Variants in RPA3 observed in about 807,000 individuals in gnomAD.
RPA3 encodes replication protein A3.
A neutral mutation model predicts 13.7 loss-of-function variants in RPA3; 24 were observed. That is an observed-to-expected ratio of 1.75 (90% confidence interval 1.27 to 2.46). The LOEUF (loss-of-function observed/expected upper bound fraction) is 2.46. Ranked by LOEUF, RPA3 falls within the 30% of genes most tolerant of loss-of-function variation. The probability of loss-of-function intolerance (pLI) is 0.00; values close to 1 mark genes in which losing one functional copy is unlikely to be tolerated. For synonymous variants in RPA3, 59 were observed against 51.2 expected (o/e 1.15, Z -0.65); for missense variants, 183 against 151.0 (o/e 1.21, Z -1.11).
At chr7:7,657,123 A>C (rs1344093290) in intron 4 of RPA3, among the ~76,000 whole-genome samples, 1 of 152,164 alleles carries the variant, frequency 6.6e-6, no homozygotes, top group Non-Finnish European at 1.5e-5. Context: ...TCTTTTGAGA[A>C]GTGTCAGTTC....
At chr7:7,684,759 C>A (rs558391148) in intron 4 of RPA3, among the ~76,000 whole-genome samples, 1 of 152,284 alleles carries the variant, frequency 6.6e-6, no homozygotes, top group South Asian at 2.1e-4. Flanking sequence ...AGATTAACAC[C>A]CGTAAACTTT....
At chr7:7,642,612 C>T (rs1784999719) in intron 4 of RPA3, among the ~76,000 whole-genome samples, 1 of 152,046 alleles carries the variant, frequency 6.6e-6, no homozygotes, top group Non-Finnish European at 1.5e-5. Context: ...ACAGCTTTTT[C>T]GTGTATTTTT....
intron 2 of RPA3, among the ~76,000 whole-genome samples, chr7:7,699,130 A>G (rs944229383): frequency 1.3e-5 from 2 of 151,962 alleles, no homozygotes; most frequent in African/African-American, 4.8e-5. Flanking sequence ...CTAGCATTAT[A>G]GGTGTGAGCC....
chr7:7,708,561 A>G (rs1487841210), intron 2 of RPA3, among the ~76,000 whole-genome samples: 1 of 152,206 alleles, frequency 6.6e-6, no homozygotes, highest in Non-Finnish European at 1.5e-5. Flanking sequence ...ATAACTTGAA[A>G]CATTGAAAGG....
chr7:7,640,249 C>G, intron 5 of RPA3, 71 bp downstream of exon 5: 3 of 1,481,850 alleles, frequency 2.0e-6, no homozygotes, highest in Non-Finnish European at 2.8e-6. Flanking sequence ...CCTTTTTCAT[C>G]CCCCGTTATC....
intron 2 of RPA3, among the ~76,000 whole-genome samples, chr7:7,700,989 A>G (rs1397691258): frequency 6.6e-6 from 1 of 152,204 alleles, no homozygotes; most frequent in Non-Finnish European, 1.5e-5. Context: ...GTTTGAGGCT[A>G]CAGTGAGCTA....
At chr7:7,673,519 TTA>T (rs1165176565) in intron 4 of RPA3, 9 of 663,976 alleles carry the variant, frequency 1.4e-5, no homozygotes, top group Non-Finnish European at 2.4e-5. Flanking sequence ...TACTTGAAAA[TTA>T]TATGATTGAT....
At chr7:7,711,788 C>A (rs1047107765) in intron 2 of RPA3, among the ~76,000 whole-genome samples, 4 of 151,984 alleles carry the variant, frequency 2.6e-5, no homozygotes, top group Non-Finnish European at 4.4e-5. Flanking sequence ...AATGAAGAGA[C>A]ATTTTGATGT....
In RPA3 at chr7:7,639,148, A is replaced by G; in HGVS notation, c.100-4T>C. 1 of 1,605,046 alleles carries G rather than the reference A, an allele frequency of 6.2e-7. No individual in the cohort carries two copies. Among genetic ancestry groups the G allele is most frequent in the Non-Finnish European group, 8.5e-7 (1 of 1,175,550 alleles). On this transcript the variant is annotated splice_polypyrimidine_tract_variant and splice_region_variant and intron_variant, in intron 5 of 7. Coordinates refer to ENST00000223129, the MANE Select transcript of RPA3 (RefSeq NM_002947.5). ...ACATTTTTCCGGTGGGATGAATCTA[A>G]AAACGAAACATATAATTAAAATCTC...
rs1780868232 is a variant in RPA3 at position 7,715,190 on chromosome 7, TC to T, written c.-1044del. 6.6e-6 allele frequency: 1 copy of T among 152,214 alleles called. No individual in the cohort carries two copies. The highest frequency in any genetic ancestry group is 2.4e-5 in the African/African-American group (1 of 41,454). 9.4% of individuals were successfully genotyped at this position (152,214 alleles called of 1,614,324 possible). A position where few individuals can be genotyped will look rare whatever the true frequency, so the allele number is the denominator to read the frequency against. ...ATAAACTTACCTGAAACTATTGTATTCCCTGTGCATTGTCTTCACATCCTTT... is the reference window on the plus strand; with the variant it reads ...ATAAACTTACCTGAAACTATTGTATTCCTGTGCATTGTCTTCACATCCTTT... On this transcript the variant is annotated 5_prime_UTR_variant, in exon 2 of 8. An upstream open reading frame in the 5' UTR gains an earlier in-frame stop. Transcript: ENST00000223129.
intron 4 of RPA3, among the ~76,000 whole-genome samples, chr7:7,666,373 T>A (rs1156319077): frequency 6.6e-6 from 1 of 151,984 alleles, no homozygotes; most frequent in Non-Finnish European, 1.5e-5. Flanking sequence ...CTGGCTGATT[T>A]TTGTATTTTT....
chr7:7,646,775 G>A (rs528352795), intron 4 of RPA3, among the ~76,000 whole-genome samples: 1 of 152,016 alleles, frequency 6.6e-6, no homozygotes, highest in South Asian at 2.1e-4. Flanking sequence ...AACTCCCCTC[G>A]ACACTCAGAT....
At chr7:7,701,665 G>A (rs1460842228) in intron 2 of RPA3, among the ~76,000 whole-genome samples, 1 of 152,096 alleles carries the variant, frequency 6.6e-6, no homozygotes, top group African/African-American at 2.4e-5. Context: ...ATATGATTAG[G>A]AGGCTGATTA....
intron 2 of RPA3, among the ~76,000 whole-genome samples, chr7:7,706,017 G>T (rs995382023): frequency 4.0e-4 from 61 of 152,040 alleles, no homozygotes; most frequent in African/African-American, 1.5e-3. Flanking sequence ...AGAAATCTTT[G>T]TTGCTATTTT....
At position 7,648,279 on chromosome 7, in the gene RPA3, TGCTTAAGTTTTCTCC is replaced by T. The variant is rs537597584; in HGVS notation, c.-757-7119_-757-7105del. Reference sequence around the variant, plus strand: ...GATCATGAGTGATTTGCTGTTTCTCTGCTTAAGTTTTCTCCGCTTAAGTTTTCTCCAGTAAACCAT... The same window carrying T: ...GATCATGAGTGATTTGCTGTTTCTCTGCTTAAGTTTTCTCCAGTAAACCAT... On this transcript the variant is annotated intron_variant, in intron 4 of 7. Coordinates refer to ENST00000223129, the MANE Select transcript of RPA3 (RefSeq NM_002947.5). 1.6e-3 allele frequency among the ~76,000 whole-genome samples: 245 copies of T among 152,384 alleles called. 2 individuals carry two copies. Among genetic ancestry groups the T allele is most frequent in the African/African-American group, 5.4e-3 (226 of 41,596 alleles).
chr7:7,668,953 C>G (rs971716483), intron 4 of RPA3, among the ~76,000 whole-genome samples: 9 of 152,086 alleles, frequency 5.9e-5, no homozygotes, highest in African/African-American at 2.2e-4. Flanking sequence ...TGTAGACATG[C>G]CAGTCCACCT....
chr7:7,703,922 AC>A (rs1450913533), intron 2 of RPA3, among the ~76,000 whole-genome samples: 1 of 152,070 alleles, frequency 6.6e-6, no homozygotes, highest in Non-Finnish European at 1.5e-5. Flanking sequence ...AGCCTGGGCG[AC>A]AGATAACCTG....
intron 2 of RPA3, among the ~76,000 whole-genome samples, chr7:7,697,342 A>G (rs1335505235): frequency 6.6e-6 from 1 of 152,228 alleles, no homozygotes. Flanking sequence ...ATTCTGCCAG[A>G]CAAGTTGCAG....
intron 4 of RPA3, among the ~76,000 whole-genome samples, chr7:7,682,695 T>C (rs1779943168): frequency 6.6e-6 from 1 of 152,212 alleles, no homozygotes; most frequent in Non-Finnish European, 1.5e-5. Flanking sequence ...AGAGTGTTTA[T>C]GGATTAAAAA....
Sources: gnomAD v4.1 joint callset for allele counts (sites outside exome capture counted in the v4.1 genomes callset) on GRCh38, gnomAD v4.1.1 for gene constraint, MANE v1.5 for transcripts, NCBI Gene and HGNC (gene_info 2026-07-23, HGNC 2026-07-21) for gene names.